The following PDGFC variants were observed in gnomAD, a reference collection of about 807,000 sequenced individuals.
PDGFC encodes the protein platelet-derived growth factor C.
PDGFC carries 12 observed loss-of-function variants against 35.5 expected under a neutral mutation model. The observed-to-expected ratio is 0.34, with a 90% CI of 0.22 to 0.55. The LOEUF is 0.55. Among genes scored for constraint, PDGFC ranks in the 20% least tolerant of loss-of-function variants. PDGFC has a pLI of 0.91. For synonymous variants in PDGFC, 159 were observed against 148.8 expected (o/e 1.07, Z -0.50); for missense variants, 322 against 412.4 (o/e 0.78, Z 1.90).
intron 2 of PDGFC, among the ~76,000 whole-genome samples, chr4:156,837,010 A>T (rs552923018): frequency 6.6e-6 from 1 of 152,300 alleles, no homozygotes; most frequent in South Asian, 2.1e-4. Flanking sequence ...CCTGAACAGA[A>T]TCTAGTACTC....
chr4:156,901,117 T>C (rs1316545962), intron 1 of PDGFC, among the ~76,000 whole-genome samples: 3 of 152,192 alleles, frequency 2.0e-5, no homozygotes, highest in African/African-American at 7.2e-5. Context: ...ATCATGCACA[T>C]AAATCCTTTG....
chr4:156,820,826 G>A (rs1391562450), intron 2 of PDGFC, among the ~76,000 whole-genome samples: 1 of 152,014 alleles, frequency 6.6e-6, no homozygotes, highest in East Asian at 1.9e-4. Context: ...TCAAATCAAG[G>A]TAAAACATTA....
intron 1 of PDGFC, among the ~76,000 whole-genome samples, chr4:156,873,467 G>C (rs1367970921): frequency 6.6e-6 from 1 of 151,976 alleles, no homozygotes; most frequent in Non-Finnish European, 1.5e-5. Flanking sequence ...TACATAAAAG[G>C]GCATGTTCTT....
intron 2 of PDGFC, among the ~76,000 whole-genome samples, chr4:156,833,843 C>T (rs564574009): frequency 6.6e-6 from 1 of 152,258 alleles, no homozygotes; most frequent in South Asian, 2.1e-4. Flanking sequence ...CCTTGAAGGA[C>T]TGCTGTAAAG....
At chr4:156,911,010 T>C (rs1731026135) in intron 1 of PDGFC, among the ~76,000 whole-genome samples, 1 of 152,162 alleles carries the variant, frequency 6.6e-6, no homozygotes, top group Non-Finnish European at 1.5e-5. Flanking sequence ...TTCATCCTCT[T>C]AACGCGGTGT....
In PDGFC at chr4:156,796,491, ATTTTT is replaced by A. The variant is rs35891804; in HGVS notation, c.495+14341_495+14345del. On this transcript the variant is annotated intron_variant, in intron 3 of 5. Transcript: ENST00000502773. ...CGGACAGTATACAGGACCACTTTGT[ATTTTT>A]TTTTTTTTTTTTTTTTTTTTACAAA... 1.7e-3 allele frequency among the ~76,000 whole-genome samples: 177 copies of A among 101,596 alleles called. 3 individuals are homozygous for A. In the East Asian group the frequency reaches 0.043, roughly 25 times the overall value. 66.7% of individuals were successfully genotyped at this position (101,596 alleles called of 152,430 possible).
intron 3 of PDGFC, among the ~76,000 whole-genome samples, 162 bp from the exon 4 acceptor site, chr4:156,773,055 T>C (rs181504646): frequency 2.0e-5 from 3 of 152,350 alleles, no homozygotes; most frequent in East Asian, 3.9e-4. Flanking sequence ...TTCATGAAGA[T>C]GAACTCTGAT....
chr4:156,921,045 A>G (rs1423835621), intron 1 of PDGFC, among the ~76,000 whole-genome samples: 2 of 152,186 alleles, frequency 1.3e-5, no homozygotes, highest in African/African-American at 2.4e-5. Flanking sequence ...GCTGGACCAA[A>G]AGAATAAGAC....
chr4:156,966,585 A>C (rs2110986990), intron 1 of PDGFC, among the ~76,000 whole-genome samples: 1 of 151,958 alleles, frequency 6.6e-6, no homozygotes, highest in African/African-American at 2.4e-5. Flanking sequence ...ATCAGTCTAA[A>C]GCTTGAAAAA....
intron 1 of PDGFC, among the ~76,000 whole-genome samples, chr4:156,896,383 T>C (rs1730634043): frequency 1.3e-5 from 2 of 152,130 alleles, no homozygotes; most frequent in South Asian, 2.1e-4. Flanking sequence ...GACAGGTGTG[T>C]GGTATCTTGA....
intron 1 of PDGFC, 74 bp downstream of exon 1, chr4:156,970,712 C>A: frequency 1.1e-6 from 1 of 891,864 alleles, no homozygotes; most frequent in South Asian, 1.4e-5. Flanking sequence ...GTATATATCA[C>A]ATACCAACGC....
chr4:156,854,027 TTAAC>T (rs1397253399), intron 1 of PDGFC, among the ~76,000 whole-genome samples: 8 of 152,304 alleles, frequency 5.3e-5, no homozygotes, highest in Admixed American at 2.6e-4. Flanking sequence ...AGTAAATTCA[TTAAC>T]TATTTTCAAA....
Position 156,847,938 on chromosome 4 carries a change from G to C in PDGFC, c.314+2283C>G, listed in dbSNP as rs191239273. Among the ~76,000 whole-genome samples, 47 of 151,788 alleles carry C rather than the reference G, an allele frequency of 3.1e-4. No individual in the cohort carries two copies. In the East Asian group the frequency reaches 7.6e-3, roughly 24 times the overall value. ...ATATAGAAACCCGATCTGCAAGTCAGCTGACTTTGCATTTCACTGGGGAAA... is the reference window on the plus strand; with the variant it reads ...ATATAGAAACCCGATCTGCAAGTCACCTGACTTTGCATTTCACTGGGGAAA... On this transcript the variant is annotated intron_variant, in intron 2 of 5. Transcript: ENST00000502773.
chr4:156,879,668 G>T (rs1730195892), intron 1 of PDGFC, among the ~76,000 whole-genome samples: 1 of 152,062 alleles, frequency 6.6e-6, no homozygotes, highest in African/African-American at 2.4e-5. Context: ...ACATTTTCTG[G>T]CTACTAAATA....
chr4:156,871,792 G>T (rs1006390648), intron 1 of PDGFC, among the ~76,000 whole-genome samples: 1 of 151,916 alleles, frequency 6.6e-6, no homozygotes, highest in East Asian at 1.9e-4. Flanking sequence ...TTACAGGACA[G>T]TGTATCATAT....
intron 2 of PDGFC, among the ~76,000 whole-genome samples, chr4:156,836,766 T>C (rs1729073098): frequency 6.6e-6 from 1 of 152,254 alleles, no homozygotes; most frequent in Non-Finnish European, 1.5e-5. Flanking sequence ...AATGTTAATT[T>C]AACCTTTCTT....
intron 1 of PDGFC, among the ~76,000 whole-genome samples, chr4:156,935,803 C>T (rs1250014723): frequency 6.6e-6 from 1 of 151,968 alleles, no homozygotes; most frequent in African/African-American, 2.4e-5. Flanking sequence ...GCTTTACAGA[C>T]CATCAATACC....
intron 1 of PDGFC, among the ~76,000 whole-genome samples, chr4:156,862,478 T>C (rs1270942375): frequency 6.6e-6 from 1 of 152,168 alleles, no homozygotes; most frequent in African/African-American, 2.4e-5. Context: ...AGTAAACCCA[T>C]TGAATTTTAA....
At chr4:156,902,351 A>C (rs537379198) in intron 1 of PDGFC, among the ~76,000 whole-genome samples, 1 of 152,322 alleles carries the variant, frequency 6.6e-6, no homozygotes, top group South Asian at 2.1e-4. Context: ...TTTAAAATGA[A>C]ACTAACATAA....
Sources: gnomAD v4.1 joint callset for allele counts (sites outside exome capture counted in the v4.1 genomes callset) on GRCh38, gnomAD v4.1.1 for gene constraint, MANE v1.5 for transcripts, NCBI Gene and HGNC (gene_info 2026-07-23, HGNC 2026-07-21) for gene names.